ARMC9: variants seen among roughly 807,000 people sequenced by gnomAD.
ARMC9 encodes lisH domain-containing protein ARMC9.
ARMC9 carries 94 observed loss-of-function variants against 107.0 expected under a neutral mutation model. The observed-to-expected ratio is 0.88, with a 90% CI of 0.74 to 1.04. The LOEUF is 1.04. Among genes scored for constraint, ARMC9 ranks in the 50% least tolerant of loss-of-function variants. The pLI is 0.00. For missense variants in ARMC9, 942 were observed against 1,030.1 expected, an observed-to-expected ratio of 0.91 and a Z score of 1.17; for synonymous variants, 380 against 396.9, an observed-to-expected ratio of 0.96 and a Z score of 0.51.
chr2:231,204,835 C>T (rs2031716920), intron 1 of ARMC9, among the ~76,000 whole-genome samples: 1 of 152,028 alleles, frequency 6.6e-6, no homozygotes, highest in Non-Finnish European at 1.5e-5. Context: ...CCACAGGAAC[C>T]ACACAGTGGC....
At chr2:231,273,657 C>T (rs953263006) in intron 14 of ARMC9, among the ~76,000 whole-genome samples, 1 of 152,048 alleles carries the variant, frequency 6.6e-6, no homozygotes, top group Non-Finnish European at 1.5e-5. Flanking sequence ...TCAGGTGATC[C>T]GCCCACCTCA....
At chr2:231,306,552 A>G (rs928667992) in intron 19 of ARMC9, among the ~76,000 whole-genome samples, 1 of 152,202 alleles carries the variant, frequency 6.6e-6, no homozygotes, top group African/African-American at 2.4e-5. Flanking sequence ...GCTATAATGG[A>G]ATTGTAATGA....
chr2:231,294,031 T>C (rs1355958746), intron 18 of ARMC9: 1 of 152,264 alleles, frequency 6.6e-6, no homozygotes, highest in Non-Finnish European at 1.5e-5. Flanking sequence ...ATTTAGATTA[T>C]TGGTTTCCTT....
rs143931014 is a variant in ARMC9 at position 231,249,461 on chromosome 2, C to T, written c.880-7125C>T. Among the ~76,000 whole-genome samples the T allele has an allele frequency of 5.9e-3, 900 of 152,254 alleles. 9 individuals carry two copies. Among genetic ancestry groups the T allele is most frequent in the African/African-American group, 0.021 (869 of 41,544 alleles). ...TAGAAAGTCCCCATCCTGCTAGTCA[C>T]CAAGAGCTGTCCCAGGCTTGGTGTG... is the stretch of plus-strand genomic sequence containing the variant. On this transcript the variant is annotated intron_variant, in intron 9 of 24. Coordinates refer to ENST00000611582, the MANE Select transcript of ARMC9 (RefSeq NM_001352754.2).
At chr2:231,341,640 T>TAGATAGATA (rs1553633323) in intron 20 of ARMC9, among the ~76,000 whole-genome samples, 3 of 140,132 alleles carry the variant, frequency 2.1e-5, no homozygotes, top group African/African-American at 9.5e-5. Flanking sequence ...GATAGATAGA[T>TAGATAGATA]GATAGATAGA....
chr2:231,200,247 C>G (rs1423204048), intron 1 of ARMC9, among the ~76,000 whole-genome samples: 1 of 152,174 alleles, frequency 6.6e-6, no homozygotes, highest in Non-Finnish European at 1.5e-5. Context: ...TTTTCCCGTT[C>G]CAGGGCCTTT....
intron 3 of ARMC9, among the ~76,000 whole-genome samples, chr2:231,211,407 C>G (rs1471319748): frequency 6.6e-6 from 1 of 151,748 alleles, no homozygotes; most frequent in Non-Finnish European, 1.5e-5. Flanking sequence ...TGGCAGGCAC[C>G]TGTAATCCCA....
chr2:231,226,043 G>A (rs1479842130), intron 6 of ARMC9, among the ~76,000 whole-genome samples: 5 of 152,158 alleles, frequency 3.3e-5, no homozygotes, highest in African/African-American at 1.2e-4. Flanking sequence ...TTTTAGCAGA[G>A]ACAGGGTTTT....
At chr2:231,202,205 G>A (rs1211605295) in intron 1 of ARMC9, among the ~76,000 whole-genome samples, 1 of 151,862 alleles carries the variant, frequency 6.6e-6, no homozygotes, top group African/African-American at 2.4e-5. Flanking sequence ...TTACCATGCT[G>A]GTCAGGCTGG....
At chr2:231,249,075 C>T (rs1451341569) in intron 9 of ARMC9, among the ~76,000 whole-genome samples, 2 of 152,160 alleles carry the variant, frequency 1.3e-5, no homozygotes, top group East Asian at 1.9e-4. Flanking sequence ...CAGAAATGGC[C>T]TCATCTTCAG....
At position 231,369,966 on chromosome 2, in the gene ARMC9, G is replaced by T. The variant is rs2045954366; in HGVS notation, c.2275G>T (p.Ala759Ser). The change falls in exon 24 of 25, where the codon GCC becomes TCC. Residue 759 changes from alanine to serine, a missense_variant. Coordinates refer to ENST00000611582, the MANE Select transcript of ARMC9 (RefSeq NM_001352754.2). ...GTTTTGTTCTAGGGAATGTGCATCA[G>T]CCTTCACCTGCAAGCCCCGGGCCCC... is the stretch of plus-strand genomic sequence containing the variant. ...NGVTTRECASAFTCKPRAPCT... is the reference protein window; with the variant it reads ...NGVTTRECASSFTCKPRAPCT... 1.3e-6 allele frequency: 2 copies of T among 1,521,264 alleles called. No individual in the cohort carries two copies. The highest frequency in any genetic ancestry group is 2.8e-5 in the African/African-American group (2 of 72,568). The allele number at this position is 1,521,264 out of a possible 1,614,324, so 94.2% of individuals were successfully genotyped here. A position where few individuals can be genotyped will look rare whatever the true frequency, so the allele number is the denominator to read the frequency against.
At chr2:231,281,916 A>C (rs2040243361) in intron 16 of ARMC9, 143 bp from the exon 17 acceptor site, 1 of 726,534 alleles carries the variant, frequency 1.4e-6, no homozygotes, top group South Asian at 1.9e-5. Flanking sequence ...TTGGAAACAT[A>C]CATCCTGGAG....
At chr2:231,298,249 A>AT (rs1020552112) in intron 19 of ARMC9, among the ~76,000 whole-genome samples, 1 of 152,210 alleles carries the variant, frequency 6.6e-6, no homozygotes, top group Non-Finnish European at 1.5e-5. Context: ...CGGGCAGCAG[A>AT]TGGGGGCTCC....
At chr2:231,363,971 T>C (rs1386129660) in intron 23 of ARMC9, among the ~76,000 whole-genome samples, 1 of 151,674 alleles carries the variant, frequency 6.6e-6, no homozygotes, top group Non-Finnish European at 1.5e-5. Context: ...TTCCTTTTCC[T>C]TTGTCAGCTT....
chr2:231,324,181 G>T (rs770231560), intron 19 of ARMC9, among the ~76,000 whole-genome samples: 2 of 129,792 alleles, frequency 1.5e-5, no homozygotes, highest in South Asian at 2.5e-4. Flanking sequence ...AGGCTGGAGT[G>T]CAGTGGTGCA....
At chr2:231,251,315 C>T (rs1031363825) in intron 9 of ARMC9, among the ~76,000 whole-genome samples, 5 of 151,906 alleles carry the variant, frequency 3.3e-5, no homozygotes, top group Admixed American at 1.3e-4. Context: ...TACAGGTGCC[C>T]GCCACCACAC....
chr2:231,284,087 GTGATAA>G (rs2040413117), intron 17 of ARMC9, among the ~76,000 whole-genome samples: 1 of 152,176 alleles, frequency 6.6e-6, no homozygotes, highest in African/African-American at 2.4e-5. Flanking sequence ...GACTGCATAT[GTGATAA>G]TGGTCCAATA....
chr2:231,291,453 A>T lies in ARMC9; in HGVS notation c.1717+10A>T, dbSNP rs1294252933. 1.2e-6 allele frequency: 2 copies of T among 1,609,192 alleles called. No homozygotes were observed. Among genetic ancestry groups the T allele is most frequent in the South Asian group, 2.2e-5 (2 of 90,996 alleles). On this transcript the variant is annotated intron_variant, in intron 18 of 24. Transcript: ENST00000611582. ...AAGCAGCTAAATTCCGGTCAGTTTG[A>T]TGCAAGAATCTTTGATCTATCTTTT...
At chr2:231,203,667 G>GA (rs1277239110) in intron 1 of ARMC9, among the ~76,000 whole-genome samples, 2 of 151,928 alleles carry the variant, frequency 1.3e-5, no homozygotes, top group African/African-American at 4.8e-5. Flanking sequence ...TCCTGTCTCT[G>GA]AAAAAACCAA....
Sources: allele counts gnomAD v4.1 joint callset (sites outside exome capture counted in the v4.1 genomes callset), GRCh38; gene constraint gnomAD v4.1.1; transcripts MANE v1.5; gene names NCBI Gene and HGNC (gene_info 2026-07-23, HGNC 2026-07-21).